Variants in ZDHHC17 observed in about 807,000 individuals in gnomAD.
ZDHHC17 encodes palmitoyltransferase ZDHHC17.
ZDHHC17 carries 40 observed loss-of-function variants against 90.3 expected under a neutral mutation model. The ratio of observed to expected loss-of-function variants is 0.44; its 90% CI spans 0.34 to 0.58. The LOEUF is 0.58. ZDHHC17 is among the 20% of genes least tolerant of loss of function. The probability of loss-of-function intolerance (pLI) is 0.01; values close to 1 mark genes in which losing one functional copy is unlikely to be tolerated. For missense variants in ZDHHC17, 614 were observed against 780.8 expected (o/e 0.79, Z 2.55); for synonymous variants, 235 against 252.4 (o/e 0.93, Z 0.65).
intron 10 of ZDHHC17, among the ~76,000 whole-genome samples, chr12:76,841,395 A>AT (rs972197528): frequency 1.3e-5 from 2 of 152,046 alleles, no homozygotes; most frequent in African/African-American, 4.8e-5. Context: ...ACATTGCTGT[A>AT]TTTTTTATAG....
intron 8 of ZDHHC17, among the ~76,000 whole-genome samples, chr12:76,824,162 T>G (rs1433622807): frequency 6.6e-6 from 1 of 152,196 alleles, no homozygotes; most frequent in Non-Finnish European, 1.5e-5. Context: ...TAAAGTTACT[T>G]ATGGCATTAT....
chr12:76,815,829 GTT>G (rs1195534450), intron 6 of ZDHHC17, 26 bp from the exon 7 acceptor site: 1 of 1,385,500 alleles, frequency 7.2e-7, no homozygotes, highest in Non-Finnish European at 9.5e-7. Flanking sequence ...TGTTGTTGTT[GTT>G]TGTTTTTTTT....
At chr12:76,817,904 CTTCCTTAA>C (rs1451561395) in intron 7 of ZDHHC17, among the ~76,000 whole-genome samples, 1 of 152,138 alleles carries the variant, frequency 6.6e-6, no homozygotes, top group Admixed American at 6.6e-5. Context: ...TAGAATGTAA[CTTCCTTAA>C]CTATTATTGT....
intron 1 of ZDHHC17, among the ~76,000 whole-genome samples, chr12:76,767,403 A>T (rs546953078): frequency 1.3e-5 from 2 of 152,242 alleles, no homozygotes; most frequent in Non-Finnish European, 1.5e-5. Context: ...CAAACTGCCC[A>T]CTGTTAAAAC....
intron 1 of ZDHHC17, among the ~76,000 whole-genome samples, chr12:76,788,549 TAATC>T (rs1392331977): frequency 6.6e-6 from 1 of 152,038 alleles, no homozygotes; most frequent in African/African-American, 2.4e-5. Flanking sequence ...TGAAAAAGAT[TAATC>T]TATATATAAA....
chr12:76,836,707 T>A (rs574832934), intron 10 of ZDHHC17, among the ~76,000 whole-genome samples: 1 of 152,336 alleles, frequency 6.6e-6, no homozygotes, highest in Non-Finnish European at 1.5e-5. Flanking sequence ...ATTGGGTTGC[T>A]CAAGTCACTG....
At chr12:76,800,583 C>A (rs1952873893) in intron 2 of ZDHHC17, among the ~76,000 whole-genome samples, 1 of 152,094 alleles carries the variant, frequency 6.6e-6, no homozygotes, top group Non-Finnish European at 1.5e-5. Flanking sequence ...TGCATTGAAC[C>A]TTTTATTAAT....
In ZDHHC17 at chr12:76,797,081, G is replaced by T. The variant is rs187661003; in HGVS notation, c.94-353G>T. The stretch of plus-strand genomic sequence containing the variant: ...AGATGGAGACCATCCTGGCTAACAT[G>T]GTGAAACCCCGTCTCAGCTAAAAAT... On this transcript the variant is annotated intron_variant, in intron 1 of 16. Transcript: ENST00000426126. Among the ~76,000 whole-genome samples the T allele has an allele frequency of 6.0e-4, 91 of 151,942 alleles. No individual in the cohort carries two copies. In the East Asian group the frequency reaches 0.015, roughly 26 times the overall value.
At chr12:76,813,426 T>C (rs1205921414) in intron 5 of ZDHHC17, 1 of 434,644 alleles carries the variant, frequency 2.3e-6, no homozygotes, top group Admixed American at 2.6e-5. Context: ...GGATAAGGCA[T>C]AACATTCTAT....
intron 1 of ZDHHC17, among the ~76,000 whole-genome samples, chr12:76,794,191 C>T (rs1386286746): frequency 6.6e-6 from 1 of 152,022 alleles, no homozygotes; most frequent in Non-Finnish European, 1.5e-5. Flanking sequence ...GGCCAAATTA[C>T]AGGATTTTAA....
Position 76,842,097 on chromosome 12 carries a change from A to G in ZDHHC17, c.1257A>G (p.Gln419=), listed in dbSNP as rs1367169867. 1 of 1,576,466 alleles carries G rather than the reference A, an allele frequency of 6.3e-7. No individual in the cohort carries two copies. Among genetic ancestry groups the G allele is most frequent in the Non-Finnish European group, 8.6e-7 (1 of 1,165,012 alleles). Residue 419 remains glutamine (Q), a synonymous_variant, in exon 11 of 17, where the codon CAA becomes CAG. Coordinates refer to ENST00000426126, the MANE Select transcript of ZDHHC17 (RefSeq NM_015336.4). The part of the protein sequence containing the change: ...DPGIIKATEE[Q]KKKTIVELAE... ...GGATTATTAAAGCAACAGAAGAGCA[A>G]AAGAAAAAGGTAGCAAAATACCAAC...
At chr12:76,821,438 A>T (rs1953161927) in intron 7 of ZDHHC17, among the ~76,000 whole-genome samples, 1 of 152,098 alleles carries the variant, frequency 6.6e-6, no homozygotes, top group African/African-American at 2.4e-5. Context: ...ATACTTAATA[A>T]GTAATCATCC....
Position 76,774,554 on chromosome 12 carries a change from C to A in ZDHHC17, c.93+10225C>A, listed in dbSNP as rs142918382. Among the ~76,000 whole-genome samples, 445 of 152,266 alleles carry A rather than the reference C, an allele frequency of 2.9e-3. 6 individuals carry two copies. The highest frequency in any genetic ancestry group is 0.01 in the African/African-American group (434 of 41,548). The stretch of plus-strand genomic sequence containing the variant: ...ACTATCATTTGTATTATCTGTAAAT[C>A]TCTTCTAAAGATTTGTTACTGGACC... On this transcript the variant is annotated intron_variant, in intron 1 of 16. Coordinates refer to ENST00000426126, the MANE Select transcript of ZDHHC17 (RefSeq NM_015336.4).
At chr12:76,846,086 T>G (rs1410084990) in intron 13 of ZDHHC17, among the ~76,000 whole-genome samples, 2 of 152,034 alleles carry the variant, frequency 1.3e-5, no homozygotes. Flanking sequence ...AAGGCGGTAA[T>G]ATTTGAAATG....
At chr12:76,832,040 C>CCCAA (rs1953308592) in intron 10 of ZDHHC17, among the ~76,000 whole-genome samples, 3 of 152,204 alleles carry the variant, frequency 2.0e-5, no homozygotes, top group Non-Finnish European at 4.4e-5. Flanking sequence ...GCGAGGAAAA[C>CCCAA]TGTATACTTC....
At chr12:76,808,498 T>C (rs1352276732) in intron 3 of ZDHHC17, among the ~76,000 whole-genome samples, 2 of 152,132 alleles carry the variant, frequency 1.3e-5, no homozygotes, top group Non-Finnish European at 2.9e-5. Flanking sequence ...AAAAAAGATA[T>C]TATGATGTTA....
At chr12:76,803,845 C>T (rs1441321820) in intron 2 of ZDHHC17, among the ~76,000 whole-genome samples, 1 of 152,156 alleles carries the variant, frequency 6.6e-6, no homozygotes, top group African/African-American at 2.4e-5. Context: ...ATTGGATTAC[C>T]TCCATCTATT....
At chr12:76,806,512 T>C (rs769498952) in intron 3 of ZDHHC17, among the ~76,000 whole-genome samples, 1 of 152,180 alleles carries the variant, frequency 6.6e-6, no homozygotes, top group Non-Finnish European at 1.5e-5. Flanking sequence ...TATATAAATA[T>C]AGGCATATGC....
chr12:76,769,759 A>G (rs1333867388), intron 1 of ZDHHC17, among the ~76,000 whole-genome samples: 2 of 152,198 alleles, frequency 1.3e-5, no homozygotes, highest in East Asian at 3.9e-4. Context: ...AAGCTTAGTA[A>G]TCACTGAGTC....
Sources: gnomAD v4.1 joint callset for allele counts (sites outside exome capture counted in the v4.1 genomes callset) on GRCh38, gnomAD v4.1.1 for gene constraint, MANE v1.5 for transcripts, NCBI Gene and HGNC (gene_info 2026-07-23, HGNC 2026-07-21) for gene names.